BBX: variants seen among roughly 807,000 people sequenced by gnomAD.
BBX encodes the protein BBX high mobility group box domain containing.
In BBX, 30 loss-of-function variants were observed where a neutral mutation model predicts 100.2. The ratio of observed to expected loss-of-function variants is 0.30; its 90% CI spans 0.22 to 0.41. BBX has a LOEUF of 0.41. BBX is among the 10% of genes least tolerant of loss of function. The pLI is 1.00. For missense variants in BBX, 1,023 were observed against 1,129.8 expected (o/e 0.91, Z 1.35); for synonymous variants, 376 against 388.1 (o/e 0.97, Z 0.37).
At chr3:107,568,742 A>G (rs2051125919) in intron 2 of BBX, among the ~76,000 whole-genome samples, 2 of 152,040 alleles carry the variant, frequency 1.3e-5, no homozygotes, top group African/African-American at 4.8e-5. Context: ...TCCACTCATA[A>G]TTCTTTCTTC....
intron 3 of BBX, among the ~76,000 whole-genome samples, chr3:107,649,218 C>T (rs974766145): frequency 6.6e-6 from 1 of 152,124 alleles, no homozygotes; most frequent in Non-Finnish European, 1.5e-5. Context: ...CCACCAGGTC[C>T]GTCTCATGAC....
intron 13 of BBX, 146 bp from the exon 14 acceptor site, chr3:107,789,641 A>C (rs1209984165): frequency 1.8e-6 from 1 of 564,214 alleles, no homozygotes; most frequent in Admixed American, 3.2e-5. Context: ...GCACCAGTTA[A>C]GTAGGTGAAG....
In BBX at chr3:107,542,387, G is replaced by A. The variant is rs147985737; in HGVS notation, c.-84+15989G>A. On this transcript the variant is annotated intron_variant, in intron 2 of 17. Transcript: ENST00000325805. ...TTGAGTATACTAACTTTGGAACATA[G>A]TGTAATATTAATGGCTACAGAAGAG... Among the ~76,000 whole-genome samples, 74 of 152,312 alleles carry A rather than the reference G, an allele frequency of 4.9e-4. 1 individual carries two copies. The highest frequency in any genetic ancestry group is 6.8e-3 in the Middle Eastern group (2 of 294).
chr3:107,784,285 G>GA (rs1559726992), intron 13 of BBX, among the ~76,000 whole-genome samples: 2 of 151,922 alleles, frequency 1.3e-5, no homozygotes, highest in African/African-American at 4.8e-5. Flanking sequence ...GAAAAGGCTG[G>GA]AACCAACACT....
chr3:107,528,894 T>C (rs1241545947), intron 2 of BBX, among the ~76,000 whole-genome samples: 2 of 152,238 alleles, frequency 1.3e-5, no homozygotes, highest in Admixed American at 6.5e-5. Flanking sequence ...GTATATGTTT[T>C]CTTACATTTC....
At chr3:107,583,888 T>A (rs1039780817) in intron 2 of BBX, among the ~76,000 whole-genome samples, 10 of 126,462 alleles carry the variant, frequency 7.9e-5, no homozygotes, top group African/African-American at 3.0e-4. Flanking sequence ...TTTATATATA[T>A]TATATATAAA....
intron 9 of BBX, among the ~76,000 whole-genome samples, chr3:107,751,580 G>C (rs758818349): frequency 6.6e-6 from 1 of 151,944 alleles, no homozygotes; most frequent in Non-Finnish European, 1.5e-5. Flanking sequence ...AGATGAGAAA[G>C]ATATTTTTCC....
At chr3:107,547,703 T>C (rs913581650) in intron 2 of BBX, among the ~76,000 whole-genome samples, 4 of 152,152 alleles carry the variant, frequency 2.6e-5, no homozygotes, top group African/African-American at 9.7e-5. Context: ...TACTGGTAGA[T>C]GTAATTTATC....
At chr3:107,547,156 A>T (rs556533293) in intron 2 of BBX, among the ~76,000 whole-genome samples, 1 of 152,156 alleles carries the variant, frequency 6.6e-6, no homozygotes, top group East Asian at 1.9e-4. Flanking sequence ...AACATCCTCA[A>T]TTTTTTTTGT....
rs890720118 is a variant in BBX, at chr3:107,810,610, T to C, written c.*5153T>C. 6.6e-6 allele frequency: 1 copy of C among 152,204 alleles called. No homozygotes were observed. The highest frequency in any genetic ancestry group is 2.4e-5 in the African/African-American group (1 of 41,454). 9.4% of individuals were successfully genotyped at this position (152,204 alleles called of 1,614,324 possible). On this transcript the variant is annotated 3_prime_UTR_variant, in exon 18 of 18. Coordinates refer to ENST00000325805, the MANE Select transcript of BBX (RefSeq NM_001142568.3). Reference sequence around the variant, plus strand: ...ACCAGAGGGGTGGGCTCATGTCCCCTGACTCCTCACATGAGTGCCTCAGCT... The same window carrying C: ...ACCAGAGGGGTGGGCTCATGTCCCCCGACTCCTCACATGAGTGCCTCAGCT...
intron 2 of BBX, among the ~76,000 whole-genome samples, chr3:107,531,183 C>T (rs1173817854): frequency 2.6e-5 from 4 of 152,106 alleles, no homozygotes; most frequent in Admixed American, 2.6e-4. Flanking sequence ...TGTCTTGCAT[C>T]TTCACCATTC....
intron 16 of BBX, 68 bp from the exon 17 acceptor site, chr3:107,801,027 G>A (rs1327955055): frequency 1.7e-5 from 25 of 1,473,142 alleles, no homozygotes; most frequent in South Asian, 1.3e-4. Flanking sequence ...CTGGCACAGC[G>A]TTTTCTATGT....
chr3:107,634,829 C>T (rs938183365), intron 2 of BBX, among the ~76,000 whole-genome samples: 3 of 152,168 alleles, frequency 2.0e-5, no homozygotes, highest in Non-Finnish European at 2.9e-5. Context: ...TCCTTTCTTT[C>T]TATCCACCTT....
intron 15 of BBX, among the ~76,000 whole-genome samples, chr3:107,796,495 A>G (rs1244779343): frequency 6.6e-6 from 1 of 152,234 alleles, no homozygotes; most frequent in Non-Finnish European, 1.5e-5. Flanking sequence ...AGACTCCTGT[A>G]ATCAGAAGGG....
At chr3:107,704,631 C>T (rs1271183128) in intron 3 of BBX, among the ~76,000 whole-genome samples, 2 of 152,074 alleles carry the variant, frequency 1.3e-5, no homozygotes, top group South Asian at 2.1e-4. Flanking sequence ...AATAACAAAC[C>T]CACTCTGGTG....
chr3:107,599,963 A>G (rs1353062860), intron 2 of BBX, among the ~76,000 whole-genome samples: 2 of 152,206 alleles, frequency 1.3e-5, no homozygotes, highest in Non-Finnish European at 2.9e-5. Flanking sequence ...CAGATTCATG[A>G]GGAGCTTTTT....
At chr3:107,574,415 T>C (rs1033871379) in intron 2 of BBX, among the ~76,000 whole-genome samples, 1 of 152,214 alleles carries the variant, frequency 6.6e-6, no homozygotes, top group South Asian at 2.1e-4. Context: ...TTTTGAGAAA[T>C]GTAATTTCAG....
At chr3:107,794,580 G>A (rs561121665) in intron 15 of BBX, among the ~76,000 whole-genome samples, 7 of 152,216 alleles carry the variant, frequency 4.6e-5, no homozygotes, top group East Asian at 3.9e-4. Context: ...AATCTAACTC[G>A]ATCTCTTTTC....
chr3:107,774,505 T>A (rs901698823), intron 11 of BBX, among the ~76,000 whole-genome samples: 34 of 152,204 alleles, frequency 2.2e-4, no homozygotes, highest in African/African-American at 8.0e-4. Context: ...TTGAATTACA[T>A]GACAATTAAT....
Sources: allele counts gnomAD v4.1 joint callset (sites outside exome capture counted in the v4.1 genomes callset), GRCh38; gene constraint gnomAD v4.1.1; transcripts MANE v1.5; gene names NCBI Gene and HGNC (gene_info 2026-07-23, HGNC 2026-07-21).